MTA3: variants seen among roughly 807,000 people sequenced by gnomAD.
MTA3 encodes metastasis-associated protein MTA3.
MTA3 carries 34 observed loss-of-function variants against 83.5 expected under a neutral mutation model. That is an observed-to-expected ratio of 0.41 (90% CI 0.31 to 0.54). MTA3 has a LOEUF of 0.54. MTA3 is among the 20% of genes least tolerant of loss of function. The pLI is 0.33. For synonymous variants in MTA3, 303 were observed against 252.7 expected (o/e 1.20, Z -1.89); for missense variants, 761 against 726.4 (o/e 1.05, Z -0.55).
At chr2:42,589,651 C>G (rs922272069) in intron 3 of MTA3, among the ~76,000 whole-genome samples, 5 of 152,158 alleles carry the variant, frequency 3.3e-5, no homozygotes, top group Non-Finnish European at 5.9e-5. Context: ...CTTCCAGGTT[C>G]AAGCGATTCT....
chr2:42,518,968 AACACACACACACAC>A (rs60877713), intron 2 of MTA3, among the ~76,000 whole-genome samples: 10,130 of 114,550 alleles, frequency 0.088, 669 homozygotes, highest in African/African-American at 0.15. Flanking sequence ...CCTTTCTCAA[AACACACACACACAC>A]ACACACACAC....
At chr2:42,626,873 T>G (rs1469955480) in intron 4 of MTA3, among the ~76,000 whole-genome samples, 6 of 151,860 alleles carry the variant, frequency 4.0e-5, no homozygotes, top group African/African-American at 1.5e-4. Flanking sequence ...CCCAAGTAGT[T>G]GGGATTACAG....
At chr2:42,717,080 A>T (rs372477555) in intron 14 of MTA3, among the ~76,000 whole-genome samples, 21 of 148,686 alleles carry the variant, frequency 1.4e-4, no homozygotes, top group Admixed American at 3.4e-4. Context: ...GAGAATTTTT[A>T]AAAAATGCTC....
At chr2:42,654,291 A>G (rs1278081893) in intron 6 of MTA3, among the ~76,000 whole-genome samples, 2 of 152,096 alleles carry the variant, frequency 1.3e-5, no homozygotes, top group Admixed American at 6.6e-5. Context: ...TTCCATTGAT[A>G]CCTGCTTGCT....
intron 9 of MTA3, among the ~76,000 whole-genome samples, chr2:42,686,319 C>G (rs1415808307): frequency 1.3e-5 from 2 of 152,188 alleles, no homozygotes; most frequent in African/African-American, 2.4e-5. Flanking sequence ...AAAATTTATA[C>G]ACAGTAAAAT....
intron 5 of MTA3, among the ~76,000 whole-genome samples, chr2:42,642,307 G>A (rs896916816): frequency 6.6e-6 from 1 of 151,942 alleles, no homozygotes; most frequent in Admixed American, 6.6e-5. Flanking sequence ...TTTTATTGGA[G>A]TACCATGCTA....
intron 2 of MTA3, among the ~76,000 whole-genome samples, chr2:42,504,779 G>T (rs1674553926): frequency 6.6e-6 from 1 of 151,988 alleles, no homozygotes; most frequent in South Asian, 2.1e-4. Flanking sequence ...TTACAGGCGT[G>T]AGCTACCACA....
At chr2:42,570,593 C>A in intron 2 of MTA3, 89 bp downstream of exon 2, 1 of 671,124 alleles carries the variant, frequency 1.5e-6, no homozygotes, top group Non-Finnish European at 2.3e-6. Flanking sequence ...GGTGTGGGGG[C>A]TCATGCCTGC....
chr2:42,651,647 A>AT (rs1327005090), intron 6 of MTA3, among the ~76,000 whole-genome samples: 3 of 151,842 alleles, frequency 2.0e-5, no homozygotes, highest in Non-Finnish European at 4.4e-5. Context: ...AATACAAAAA[A>AT]TTAGCTGGGC....
At chr2:42,664,713 G>A (rs1177173033) in intron 8 of MTA3, among the ~76,000 whole-genome samples, 1 of 152,016 alleles carries the variant, frequency 6.6e-6, no homozygotes, top group Non-Finnish European at 1.5e-5. Context: ...TGGATCTGAA[G>A]ACCTCTTTGA....
At chr2:42,525,209 T>G (rs1675633568) in intron 2 of MTA3, among the ~76,000 whole-genome samples, 1 of 150,054 alleles carries the variant, frequency 6.7e-6, no homozygotes, top group South Asian at 2.1e-4. Context: ...TTTTTTTTTT[T>G]GAATTTTGAG....
intron 5 of MTA3, among the ~76,000 whole-genome samples, chr2:42,643,065 T>C (rs1296782659): frequency 1.4e-5 from 2 of 145,752 alleles, no homozygotes; most frequent in East Asian, 4.6e-4. Context: ...TTAACAGTTT[T>C]TTTGTTTAAA....
At chr2:42,629,269 C>A (rs1220627535) in intron 4 of MTA3, among the ~76,000 whole-genome samples, 1 of 151,998 alleles carries the variant, frequency 6.6e-6, no homozygotes, top group African/African-American at 2.4e-5. Context: ...TTAGTAGAGA[C>A]AGGGTTTCAC....
chr2:42,756,834 C>T lies in MTA3; in HGVS notation c.*3435C>T, dbSNP rs1670272852. On this transcript the variant is annotated 3_prime_UTR_variant, in exon 17 of 17. Coordinates refer to ENST00000405094, the MANE Select transcript of MTA3 (RefSeq NM_001330442.2). Reference sequence around the variant, plus strand: ...CACGCACCTGTGCTCATGAGTGTTTCCGCAGGATAATTCGTTCTGAGCATG... The same window carrying T: ...CACGCACCTGTGCTCATGAGTGTTTTCGCAGGATAATTCGTTCTGAGCATG... 2 of 985,310 alleles carry T rather than the reference C, an allele frequency of 2.0e-6. No homozygotes were observed. The highest frequency in any genetic ancestry group is 2.4e-6 in the Non-Finnish European group (2 of 829,956). The allele number at this position is 985,310 out of a possible 1,614,324, so 61.0% of individuals were successfully genotyped here.
In MTA3 at chr2:42,631,054, A is replaced by T. The variant is rs115709214; in HGVS notation, c.318-9119A>T. The stretch of plus-strand genomic sequence containing the variant: ...AAAACTTACTTGGAATCTTTAAAAT[A>T]ATTGGTTTTCTTCCTGCTCATTTAA... On this transcript the variant is annotated intron_variant, in intron 4 of 16. Coordinates refer to ENST00000405094, the MANE Select transcript of MTA3 (RefSeq NM_001330442.2). Among the ~76,000 whole-genome samples the T allele has an allele frequency of 5.0e-3, 759 of 152,300 alleles. 4 individuals carry two copies. The highest frequency in any genetic ancestry group is 0.016 in the African/African-American group (677 of 41,568).
At chr2:42,570,051 G>A (rs1678292712) in intron 1 of MTA3, among the ~76,000 whole-genome samples, 1 of 151,812 alleles carries the variant, frequency 6.6e-6, no homozygotes. Context: ...AGTTTTATGT[G>A]AGAAGCAGCC....
intron 16 of MTA3, among the ~76,000 whole-genome samples, chr2:42,725,617 G>A (rs538993092): frequency 6.6e-6 from 1 of 152,316 alleles, no homozygotes; most frequent in South Asian, 2.1e-4. Flanking sequence ...AGCTCAAGGA[G>A]GGCCTCAGAG....
chr2:42,741,822 A>G (rs913232049), intron 16 of MTA3, among the ~76,000 whole-genome samples: 13 of 152,232 alleles, frequency 8.5e-5, no homozygotes, highest in African/African-American at 2.9e-4. Flanking sequence ...TAACAGATAT[A>G]ATAAAGAAAA....
rs541297694 is a variant in MTA3 at position 42,695,299 on chromosome 2, A to G, written c.892-466A>G. ...TAAATTTCTCAAATATTCTAGAATGAATCTTCCATGTGGATATTTGCTTCA... is the reference window on the plus strand; with the variant it reads ...TAAATTTCTCAAATATTCTAGAATGGATCTTCCATGTGGATATTTGCTTCA... On this transcript the variant is annotated intron_variant, in intron 9 of 16. Transcript: ENST00000405094. 4.4e-3 allele frequency among the ~76,000 whole-genome samples: 668 copies of G among 152,270 alleles called. 3 individuals carry two copies. The highest frequency in any genetic ancestry group is 6.1e-3 in the Non-Finnish European group (415 of 68,026).
Sources: gnomAD v4.1 joint callset for allele counts (sites outside exome capture counted in the v4.1 genomes callset) on GRCh38, gnomAD v4.1.1 for gene constraint, MANE v1.5 for transcripts, NCBI Gene and HGNC (gene_info 2026-07-23, HGNC 2026-07-21) for gene names.